The following NCOA2 variants were observed in gnomAD, a reference collection of about 807,000 sequenced individuals.
NCOA2 encodes the protein nuclear receptor coactivator 2.
A neutral mutation model predicts 145.1 loss-of-function variants in NCOA2; 21 were observed. That is an observed-to-expected ratio of 0.14 (90% CI 0.10 to 0.21). The LOEUF is 0.21. Ranked by LOEUF, NCOA2 falls within the 10% of genes least tolerant of loss-of-function variation. The probability of loss-of-function intolerance (pLI) is 1.00; values close to 1 mark genes in which losing one functional copy is unlikely to be tolerated. For synonymous variants in NCOA2, 619 were observed against 637.5 expected, an observed-to-expected ratio of 0.97 and a Z score of 0.44; for missense variants, 1,472 against 1,837.6, an observed-to-expected ratio of 0.80 and a Z score of 3.64.
intron 1 of NCOA2, among the ~76,000 whole-genome samples, chr8:70,402,918 G>GCGCGCCGCC (rs1388733094): frequency 2.9e-5 from 3 of 104,046 alleles, no homozygotes; most frequent in African/African-American, 1.1e-4. Context: ...CTCGGCCCCA[G>GCGCGCCGCC]CGCGCCGCCC....
intron 1 of NCOA2, among the ~76,000 whole-genome samples, chr8:70,347,302 T>C (rs1379747102): frequency 6.6e-6 from 1 of 151,794 alleles, no homozygotes; most frequent in Non-Finnish European, 1.5e-5. Context: ...CGGGCCAACG[T>C]GGTGAAACCC....
chr8:70,143,368 C>T (rs1810676367), intron 13 of NCOA2, among the ~76,000 whole-genome samples: 1 of 152,134 alleles, frequency 6.6e-6, no homozygotes, highest in South Asian at 2.1e-4. Context: ...GCAGAAGATT[C>T]CTACAAGAAC....
intron 1 of NCOA2, among the ~76,000 whole-genome samples, chr8:70,334,789 C>G (rs1807418984): frequency 6.6e-6 from 1 of 152,054 alleles, no homozygotes; most frequent in African/African-American, 2.4e-5. Context: ...AAAATGGAGA[C>G]TGATACCAGC....
rs199803538 is a variant in NCOA2, at chr8:70,194,676, CTTTTTT to C, written c.259+19221_259+19226del. Among the ~76,000 whole-genome samples, 809 of 109,880 alleles carry C rather than the reference CTTTTTT, an allele frequency of 7.4e-3. 3 individuals carry two copies. Among genetic ancestry groups the C allele is most frequent in the Middle Eastern group, 0.014 (3 of 220 alleles). 72.1% of individuals were successfully genotyped at this position (109,880 alleles called of 152,430 possible). A position where few individuals can be genotyped will look rare whatever the true frequency, so the allele number is the denominator to read the frequency against. On this transcript the variant is annotated intron_variant, in intron 4 of 22. Coordinates refer to ENST00000452400, the MANE Select transcript of NCOA2 (RefSeq NM_006540.4). ...CTGTTTTTCTGGGCTCTTTTATCTT[CTTTTTT>C]TTTTTTTTTTTTTTTCCTGACAGGA...
intron 6 of NCOA2, among the ~76,000 whole-genome samples, chr8:70,169,922 T>TCAC (rs1291561106): frequency 1.3e-5 from 2 of 151,398 alleles, no homozygotes; most frequent in South Asian, 4.2e-4. Context: ...ATCATCATCA[T>TCAC]CACTTCTTGG....
intron 1 of NCOA2, among the ~76,000 whole-genome samples, chr8:70,297,553 G>A (rs1004324941): frequency 7.9e-5 from 12 of 152,198 alleles, no homozygotes; most frequent in East Asian, 1.9e-4. Flanking sequence ...GGCTGGTCTC[G>A]AACTCCTAGC....
chr8:70,314,923 G>A (rs773857465), intron 1 of NCOA2, among the ~76,000 whole-genome samples: 6 of 152,234 alleles, frequency 3.9e-5, no homozygotes, highest in East Asian at 1.9e-4. Flanking sequence ...AATGATAAAC[G>A]CTGATGTGGG....
At chr8:70,340,536 C>T (rs755679237) in intron 1 of NCOA2, among the ~76,000 whole-genome samples, 6 of 152,126 alleles carry the variant, frequency 3.9e-5, no homozygotes, top group Non-Finnish European at 5.9e-5. Flanking sequence ...GACAGTGTAG[C>T]GACTTCTCAA....
At chr8:70,322,586 A>T (rs1806178774) in intron 1 of NCOA2, among the ~76,000 whole-genome samples, 2 of 152,220 alleles carry the variant, frequency 1.3e-5, no homozygotes, top group African/African-American at 4.8e-5. Flanking sequence ...CCTAAGTTTT[A>T]GAACTCAACA....
chr8:70,403,118 T>C (rs1333870468), intron 1 of NCOA2, among the ~76,000 whole-genome samples: 1 of 149,826 alleles, frequency 6.7e-6, no homozygotes, highest in African/African-American at 2.4e-5. Context: ...TCCCGAGTCC[T>C]GCCTCCCCTC....
At chr8:70,332,100 A>C (rs1412645847) in intron 1 of NCOA2, among the ~76,000 whole-genome samples, 1 of 152,240 alleles carries the variant, frequency 6.6e-6, no homozygotes, top group East Asian at 1.9e-4. Flanking sequence ...TAAAAACAAA[A>C]GTATATAGTA....
chr8:70,417,952 A>T, the NCOA2 span, among the ~76,000 whole-genome samples: 1 of 152,196 alleles, frequency 6.6e-6, no homozygotes, highest in Non-Finnish European at 1.5e-5. Context: ...TCGCAATCTT[A>T]ACTTCCAGTT....
At chr8:70,144,570 G>T in intron 13 of NCOA2, 72 bp downstream of exon 13, 1 of 1,250,182 alleles carries the variant, frequency 8.0e-7, no homozygotes, top group Non-Finnish European at 1.2e-6. Context: ...AATTCTACTA[G>T]TTTGATGTGG....
intron 1 of NCOA2, among the ~76,000 whole-genome samples, chr8:70,297,794 C>A (rs964305959): frequency 6.6e-6 from 1 of 152,230 alleles, no homozygotes; most frequent in Admixed American, 6.5e-5. Context: ...AAGTGCTTCG[C>A]TGTAAATGAG....
intron 4 of NCOA2, among the ~76,000 whole-genome samples, chr8:70,187,650 T>G (rs1373665815): frequency 6.6e-6 from 1 of 152,256 alleles, no homozygotes; most frequent in South Asian, 2.1e-4. Flanking sequence ...ATAGAACATA[T>G]CACAATTCAG....
At chr8:70,172,418 T>A (rs1263750779) in intron 5 of NCOA2, among the ~76,000 whole-genome samples, 2 of 152,234 alleles carry the variant, frequency 1.3e-5, no homozygotes, top group Admixed American at 1.3e-4. Flanking sequence ...ATATATTTCA[T>A]CTTTAATTCT....
At chr8:70,445,770 A>C in the NCOA2 span, among the ~76,000 whole-genome samples, 1 of 152,194 alleles carries the variant, frequency 6.6e-6, no homozygotes, top group Non-Finnish European at 1.5e-5. Context: ...TGTTTGATTG[A>C]TTGATTGATG....
intron 1 of NCOA2, among the ~76,000 whole-genome samples, chr8:70,381,311 A>C (rs1371774468): frequency 6.6e-6 from 1 of 152,204 alleles, no homozygotes. Context: ...CGTAATAACA[A>C]CAGAATATTA....
intron 12 of NCOA2, among the ~76,000 whole-genome samples, chr8:70,147,081 T>C (rs1234072117): frequency 1.3e-5 from 2 of 151,802 alleles, no homozygotes; most frequent in African/African-American, 2.4e-5. Context: ...CAAGAAAGAG[T>C]GAGGTTTGAG....
Sources: allele counts gnomAD v4.1 joint callset (sites outside exome capture counted in the v4.1 genomes callset), GRCh38; gene constraint gnomAD v4.1.1; transcripts MANE v1.5; gene names NCBI Gene and HGNC (gene_info 2026-07-23, HGNC 2026-07-21).